The following PRKCH variants were observed in gnomAD, a reference collection of about 807,000 sequenced individuals.
The protein encoded by PRKCH is protein kinase C eta type.
A neutral mutation model predicts 82.5 loss-of-function variants in PRKCH; 28 were observed. The ratio of observed to expected loss-of-function variants is 0.34; its 90% CI spans 0.25 to 0.47. The LOEUF (loss-of-function observed/expected upper bound fraction) is 0.47. Ranked by LOEUF, PRKCH falls within the 20% of genes least tolerant of loss-of-function variation. PRKCH has a pLI of 1.00. For synonymous variants in PRKCH, 322 were observed against 327.4 expected, an observed-to-expected ratio of 0.98 and a Z score of 0.18; for missense variants, 705 against 881.8, an observed-to-expected ratio of 0.80 and a Z score of 2.54.
intron 1 of PRKCH, among the ~76,000 whole-genome samples, chr14:61,275,897 G>A (rs975427390): frequency 6.6e-5 from 10 of 152,134 alleles, no homozygotes; most frequent in African/African-American, 1.7e-4. Context: ...GGTTTGCTCC[G>A]GTAACCTAAT....
intron 2 of PRKCH, among the ~76,000 whole-genome samples, chr14:61,440,884 A>G (rs187204994): frequency 6.6e-6 from 1 of 151,398 alleles, no homozygotes; most frequent in Non-Finnish European, 1.5e-5. Flanking sequence ...AAATAAAAAT[A>G]AAAAATAAAA....
chr14:61,445,265 T>C (rs1408073403), intron 3 of PRKCH, among the ~76,000 whole-genome samples: 1 of 152,238 alleles, frequency 6.6e-6, no homozygotes, highest in African/African-American at 2.4e-5. Flanking sequence ...GCAGGTCCCC[T>C]GGGACAGGCA....
intron 1 of PRKCH, among the ~76,000 whole-genome samples, chr14:61,327,995 A>T (rs1176786653): frequency 6.6e-6 from 1 of 151,760 alleles, no homozygotes; most frequent in Non-Finnish European, 1.5e-5. Flanking sequence ...TCACGCCTGT[A>T]ATCCCAGCAC....
intron 1 of PRKCH, among the ~76,000 whole-genome samples, chr14:61,250,746 G>C (rs2044938303): frequency 6.6e-6 from 1 of 152,006 alleles, no homozygotes; most frequent in Non-Finnish European, 1.5e-5. Context: ...ACAGACCTCG[G>C]GTACCAATGT....
rs1020552670 is a variant in PRKCH, at chr14:61,506,731, A to G, written c.1433+21075A>G. On this transcript the variant is annotated intron_variant, in intron 10 of 13. Coordinates refer to ENST00000332981, the MANE Select transcript of PRKCH (RefSeq NM_006255.5). ...GGTCACTGGCTCTTCTTGAACAGGC[A>G]TGTAATGAAATAGTGTGGAACAGTA... Among the ~76,000 whole-genome samples the G allele has an allele frequency of 2.6e-5, 4 of 152,190 alleles. No homozygotes were observed. The South Asian group carries it at 6.2e-4, about 24-fold the overall frequency.
chr14:61,402,459 T>C (rs974332629), intron 2 of PRKCH, among the ~76,000 whole-genome samples: 15 of 152,218 alleles, frequency 9.9e-5, no homozygotes, highest in Non-Finnish European at 1.5e-5. Context: ...GTACTTCAAC[T>C]AGAACAACAT....
At position 61,443,138 on chromosome 14, in the gene PRKCH, A is replaced by C. The variant is rs1285632446; in HGVS notation, c.455A>C (p.Lys152Thr). The change falls in exon 3 of 14, where the codon AAA (lysine) becomes ACA (threonine). Residue 152 changes from lysine (K) to threonine (T), a missense_variant. Physicochemically the swap from Lys to Thr is moderately conservative, Grantham distance 78 (BLOSUM62 -1). Around this residue, in one of 5 missense-constraint regions of PRKCH, gnomAD observed 246 missense variants for 308.0 expected, o/e 0.80. Transcript: ENST00000332981. ...ACTCTCCAGAGAGACCGGATCTTCA[A>C]ACATTTTACCAGGAAGCGCCAAAGG... is the stretch of plus-strand genomic sequence containing the variant. ...EATLQRDRIF[K>T]HFTRKRQRAM... is the part of the protein sequence containing the mutation. 6.2e-7 allele frequency: 1 copy of C among 1,613,938 alleles called. No individual in the cohort carries two copies. The highest frequency in any genetic ancestry group is 1.3e-5 in the African/African-American group (1 of 74,934).
At chr14:61,529,251 C>A (rs1022906587) in intron 11 of PRKCH, 38 bp downstream of exon 11, 1 of 1,577,982 alleles carries the variant, frequency 6.3e-7, no homozygotes, top group Non-Finnish European at 8.6e-7. Flanking sequence ...GAAATCTGAG[C>A]TCTCCAGTAA....
chr14:61,548,932 C>CA (rs1424398004), intron 13 of PRKCH, among the ~76,000 whole-genome samples: 1 of 151,382 alleles, frequency 6.6e-6, no homozygotes, highest in African/African-American at 2.4e-5. Context: ...GTGTGATACT[C>CA]ACTTAGAAAT....
chr14:61,282,021 C>T (rs1333051969), intron 1 of PRKCH, among the ~76,000 whole-genome samples: 1 of 55,840 alleles, frequency 1.8e-5, no homozygotes, highest in Admixed American at 1.8e-4. Flanking sequence ...GGTTCAGAGC[C>T]TTTAAATAAC....
At chr14:61,452,934 A>G in intron 6 of PRKCH, 2 of 408,344 alleles carry the variant, frequency 4.9e-6, no homozygotes, top group Non-Finnish European at 4.4e-6. Context: ...TAAGGCAGCA[A>G]TGCCTGTTAC....
At chr14:61,332,260 G>A (rs981877677) in intron 1 of PRKCH, among the ~76,000 whole-genome samples, 1 of 152,202 alleles carries the variant, frequency 6.6e-6, no homozygotes, top group Non-Finnish European at 1.5e-5. Context: ...TATTGACTAT[G>A]GTAGTGTTTA....
At chr14:61,419,087 C>T (rs1882702175) in intron 2 of PRKCH, among the ~76,000 whole-genome samples, 1 of 152,170 alleles carries the variant, frequency 6.6e-6, no homozygotes, top group Non-Finnish European at 1.5e-5. Flanking sequence ...GATTCCCTCC[C>T]TGTGTTTAAT....
At chr14:61,343,621 T>C (rs1242638689) in intron 1 of PRKCH, among the ~76,000 whole-genome samples, 1 of 152,226 alleles carries the variant, frequency 6.6e-6, no homozygotes, top group Admixed American at 6.5e-5. Flanking sequence ...ATGCAAGACC[T>C]GGCCTTTTTG....
chr14:61,253,738 C>T (rs759951322), intron 1 of PRKCH, among the ~76,000 whole-genome samples: 8 of 152,112 alleles, frequency 5.3e-5, no homozygotes, highest in Admixed American at 3.9e-4. Context: ...GGCAACGGTG[C>T]GCAAGTTTTC....
At chr14:61,381,121 A>G (rs142616065) in intron 1 of PRKCH, among the ~76,000 whole-genome samples, 9 of 152,302 alleles carry the variant, frequency 5.9e-5, no homozygotes, top group African/African-American at 2.2e-4. Context: ...TATCAGATAG[A>G]AAAGGATTGA....
At chr14:61,343,323 C>T (rs912747835) in intron 1 of PRKCH, among the ~76,000 whole-genome samples, 1 of 141,548 alleles carries the variant, frequency 7.1e-6, no homozygotes, top group African/African-American at 2.6e-5. Context: ...AAAGAATGTC[C>T]CTTTAGAGAA....
intron 10 of PRKCH, among the ~76,000 whole-genome samples, chr14:61,527,558 C>A (rs372168676): frequency 6.6e-6 from 1 of 152,150 alleles, no homozygotes; most frequent in Non-Finnish European, 1.5e-5. Context: ...CTTCCCTGGA[C>A]GGTTTCAGCC....
chr14:61,398,041 A>C (rs2046811250), intron 2 of PRKCH, among the ~76,000 whole-genome samples: 2 of 152,362 alleles, frequency 1.3e-5, no homozygotes, highest in African/African-American at 4.8e-5. Flanking sequence ...GTCACTCTGC[A>C]TCTGTGCAGA....
Sources: allele counts gnomAD v4.1 joint callset (sites outside exome capture counted in the v4.1 genomes callset), GRCh38; gene constraint gnomAD v4.1.1; regional missense constraint gnomAD v4.1.1; transcripts MANE v1.5; gene names NCBI Gene and HGNC (gene_info 2026-07-23, HGNC 2026-07-21).